SHCBP1L: variants seen among roughly 807,000 people sequenced by gnomAD.
SHCBP1L encodes testicular spindle-associated protein SHCBP1L.
In SHCBP1L, 67 loss-of-function variants were observed where a neutral mutation model predicts 62.5. The observed-to-expected ratio is 1.07, with a 90% CI of 0.88 to 1.31. The LOEUF is 1.31. Ranked by LOEUF, SHCBP1L falls within the 40% of genes most tolerant of loss-of-function variation. The pLI, the probability that SHCBP1L is intolerant of heterozygous loss-of-function variation, is 0.00. For synonymous variants in SHCBP1L, 284 were observed against 289.4 expected (o/e 0.98, Z 0.19); for missense variants, 823 against 809.8 (o/e 1.02, Z -0.20).
At chr1:182,929,494 A>G (rs896810340) in intron 6 of SHCBP1L, among the ~76,000 whole-genome samples, 153 bp downstream of exon 6, 1 of 152,182 alleles carries the variant, frequency 6.6e-6, no homozygotes, top group African/African-American at 2.4e-5. Context: ...CCATTTATTT[A>G]TTTAGTATCT....
intron 6 of SHCBP1L, among the ~76,000 whole-genome samples, chr1:182,919,310 T>C (rs558844107): frequency 6.6e-6 from 1 of 152,310 alleles, no homozygotes; most frequent in East Asian, 1.9e-4. Flanking sequence ...GCACCTTGCC[T>C]GCCACTTGGA....
intron 6 of SHCBP1L, among the ~76,000 whole-genome samples, chr1:182,908,246 T>G (rs1650077384): frequency 1.3e-5 from 2 of 152,218 alleles, no homozygotes; most frequent in South Asian, 2.1e-4. Context: ...GATAGGTAGT[T>G]TTTCAACAGA....
chr1:182,900,007 C>A lies in SHCBP1L; in HGVS notation c.1938G>T (p.Gly646=), dbSNP rs771153421. 1.9e-6 allele frequency: 3 copies of A among 1,606,926 alleles called. No homozygotes were observed. The East Asian group carries it at 6.7e-5, about 36-fold the overall frequency. Residue 646 remains glycine, a synonymous_variant, in exon 10 of 10, where the codon GGG becomes GGT. Coordinates refer to ENST00000367547, the MANE Select transcript of SHCBP1L (RefSeq NM_030933.4). The stretch of plus-strand genomic sequence containing the variant: ...TTTAACTTGTGACTATTCTGATATC[C>A]CCCTTGACGTTTGCTTCTATCTTAT... ...NNNKIEANVK[G]DIRIVTS
At position 182,952,799 on chromosome 1, in the gene SHCBP1L, G is replaced by A. The variant is rs118006242; in HGVS notation, c.335C>T (p.Ser112Phe). The A allele has an allele frequency of 3.5e-4, 560 of 1,612,724 alleles. 2 individuals carry two copies. In the East Asian group the frequency reaches 0.012, roughly 35 times the overall value. ...GTCCCGCCACATCCCCCTCATACGG[G>A]ACACGCAGACTGGGGGCAGGGGCTG... ...EAQPLPPVCV[S>F]RMRGMWRDEK... is the part of the protein sequence containing the mutation. The change falls in exon 1 of 10, where the codon TCC becomes TTC. Residue 112 changes from serine (S) to phenylalanine (F), a missense_variant. Transcript: ENST00000367547.
intron 6 of SHCBP1L, among the ~76,000 whole-genome samples, chr1:182,929,002 A>C (rs1382760320): frequency 6.6e-6 from 1 of 152,196 alleles, no homozygotes; most frequent in Non-Finnish European, 1.5e-5. Context: ...GTAACTAGAA[A>C]GAATGAAAAC....
At chr1:182,939,129 T>C in intron 5 of SHCBP1L, 47 bp downstream of exon 5, 1 of 1,437,044 alleles carries the variant, frequency 7.0e-7, no homozygotes, top group East Asian at 2.3e-5. Flanking sequence ...GATAAAATAA[T>C]AACCATGTAA....
chr1:182,929,772 G>T lies in SHCBP1L; in HGVS notation c.1077-20C>A. On this transcript the variant is annotated intron_variant, in intron 5 of 9. Coordinates refer to ENST00000367547, the MANE Select transcript of SHCBP1L (RefSeq NM_030933.4). ...TGAACTCTATAGTTGAAAATATTTA[G>T]TTATAATTAAATTAACATGAAAAAG... The T allele has an allele frequency of 6.8e-7, 1 of 1,468,660 alleles. No individual in the cohort carries two copies. The highest frequency in any genetic ancestry group is 9.3e-7 in the Non-Finnish European group (1 of 1,079,410). The allele number at this position is 1,468,660 out of a possible 1,614,324, so 91.0% of individuals were successfully genotyped here. A position where few individuals can be genotyped will look rare whatever the true frequency, so the allele number is the denominator to read the frequency against.
At chr1:182,927,692 C>T (rs888174161) in intron 6 of SHCBP1L, among the ~76,000 whole-genome samples, 1 of 137,742 alleles carries the variant, frequency 7.3e-6, no homozygotes, top group African/African-American at 3.0e-5. Flanking sequence ...AAAAAAAAAG[C>T]TTATATGCAC....
At chr1:182,935,675 A>G (rs537516386) in intron 5 of SHCBP1L, among the ~76,000 whole-genome samples, 1 of 152,204 alleles carries the variant, frequency 6.6e-6, no homozygotes, top group East Asian at 1.9e-4. Flanking sequence ...ATTATTTAGA[A>G]CTTCTAGTAT....
chr1:182,945,385 T>C (rs1436711111), intron 2 of SHCBP1L, among the ~76,000 whole-genome samples: 1 of 152,254 alleles, frequency 6.6e-6, no homozygotes, highest in Non-Finnish European at 1.5e-5. Flanking sequence ...TGGTTTCATT[T>C]TATTTAAAGC....
intron 6 of SHCBP1L, among the ~76,000 whole-genome samples, chr1:182,907,431 CAA>C (rs541641519): frequency 8.6e-5 from 9 of 104,338 alleles, no homozygotes; most frequent in African/African-American, 1.4e-4. Context: ...GAAACTGTCT[CAA>C]AAAAAAAAAA....
chr1:182,911,119 G>A (rs1037865692), intron 6 of SHCBP1L, among the ~76,000 whole-genome samples: 1 of 151,992 alleles, frequency 6.6e-6, no homozygotes, highest in Non-Finnish European at 1.5e-5. Flanking sequence ...CAAACTCTTG[G>A]CCTCAAGTGA....
At chr1:182,947,893 T>C (rs1651614571) in intron 2 of SHCBP1L, among the ~76,000 whole-genome samples, 1 of 152,140 alleles carries the variant, frequency 6.6e-6, no homozygotes, top group South Asian at 2.1e-4. Context: ...CCCAGGTTAG[T>C]CTCAAAGTTC....
chr1:182,942,378 C>A, intron 2 of SHCBP1L: 1 of 747,374 alleles, frequency 1.3e-6, no homozygotes, highest in Admixed American at 1.9e-5. Flanking sequence ...GCCCCTTCGG[C>A]GGAGCTGACC....
chr1:182,951,292 A>G, intron 2 of SHCBP1L, 26 bp downstream of exon 2: 1 of 1,469,772 alleles, frequency 6.8e-7, no homozygotes, highest in South Asian at 1.5e-5. Flanking sequence ...TTCAAAAAGA[A>G]CAAAGATCAA....
At chr1:182,933,260 C>G (rs1166414453) in intron 5 of SHCBP1L, among the ~76,000 whole-genome samples, 2 of 152,178 alleles carry the variant, frequency 1.3e-5, no homozygotes, top group African/African-American at 4.8e-5. Flanking sequence ...TTTCTATATA[C>G]AAGACCATGT....
At chr1:182,951,529 G>GTT in intron 1 of SHCBP1L, 62 bp from the exon 2 acceptor site, 3 of 1,104,598 alleles carry the variant, frequency 2.7e-6, no homozygotes, top group East Asian at 3.0e-5. Flanking sequence ...TAAACTAAGT[G>GTT]GTTTTTTTTT....
intron 6 of SHCBP1L, among the ~76,000 whole-genome samples, chr1:182,917,724 T>C (rs1650398460): frequency 1.3e-5 from 2 of 152,252 alleles, no homozygotes; most frequent in African/African-American, 4.8e-5. Context: ...ATTTCCTTTC[T>C]TTTAAGGATA....
Position 182,926,240 on chromosome 1 carries a change from A to G in SHCBP1L, c.1182+3407T>C, listed in dbSNP as rs570961127. ...AAGATACCAAAAAAAAGAAGGAATA[A>G]CTGAGAGCACACTGTCTCTGAGGAG... On this transcript the variant is annotated intron_variant, in intron 6 of 9. Coordinates refer to ENST00000367547, the MANE Select transcript of SHCBP1L (RefSeq NM_030933.4). 1.6e-4 allele frequency among the ~76,000 whole-genome samples: 25 copies of G among 152,314 alleles called. No homozygotes were observed. The East Asian group carries it at 3.9e-3, about 24-fold the overall frequency.
Sources: gnomAD v4.1 joint callset for allele counts (sites outside exome capture counted in the v4.1 genomes callset) on GRCh38, gnomAD v4.1.1 for gene constraint, MANE v1.5 for transcripts, NCBI Gene and HGNC (gene_info 2026-07-23, HGNC 2026-07-21) for gene names.